TMEM87A: variants seen among roughly 807,000 people sequenced by gnomAD.
TMEM87A encodes transmembrane protein 87A.
TMEM87A carries 50 observed loss-of-function variants against 90.0 expected under a neutral mutation model. The observed-to-expected ratio is 0.56, with a 90% CI of 0.44 to 0.70. The LOEUF (loss-of-function observed/expected upper bound fraction) is 0.70, where lower values mean the gene tolerates loss of function less well. TMEM87A is among the 30% of genes least tolerant of loss of function. The pLI is 0.00. For missense variants in TMEM87A, 577 were observed against 660.5 expected (o/e 0.87, Z 1.39); for synonymous variants, 226 against 226.7 (o/e 1.00, Z 0.03).
chr15:42,239,786 A>G, intron 7 of TMEM87A, 55 bp from the exon 8 acceptor site: 1 of 1,414,578 alleles, frequency 7.1e-7, no homozygotes, highest in Non-Finnish European at 1.0e-6. Flanking sequence ...TTAAACAAAA[A>G]TATTGCCTAA....
At chr15:42,225,127 A>C (rs983452378) in intron 15 of TMEM87A, among the ~76,000 whole-genome samples, 1 of 152,192 alleles carries the variant, frequency 6.6e-6, no homozygotes, top group African/African-American at 2.4e-5. Context: ...TATAAAGTGC[A>C]TAGTTTGAAA....
chr15:42,254,964 CTTT>C lies in TMEM87A; in HGVS notation c.504+5991_504+5993del, dbSNP rs60449122. Among the ~76,000 whole-genome samples the C allele has an allele frequency of 1.3e-3, 169 of 125,388 alleles. 1 individual carries two copies. Among genetic ancestry groups the C allele is most frequent in the African/African-American group, 3.2e-3 (111 of 34,976 alleles). 82.3% of individuals were successfully genotyped at this position (125,388 alleles called of 152,430 possible). On this transcript the variant is annotated intron_variant, in intron 6 of 19. Coordinates refer to ENST00000389834, the MANE Select transcript of TMEM87A (RefSeq NM_015497.5). ...ATAGACACAGCATGTGGGAGGTCTC[CTTT>C]TTTTTTTTTTTTTTTGAGACAGAGT...
intron 8 of TMEM87A, among the ~76,000 whole-genome samples, chr15:42,239,418 T>C (rs2050832354): frequency 6.6e-6 from 1 of 152,150 alleles, no homozygotes; most frequent in South Asian, 2.1e-4. Context: ...CTAGAGAGAA[T>C]GTGAGATGAT....
At chr15:42,222,731 G>T (rs539308998) in intron 15 of TMEM87A, among the ~76,000 whole-genome samples, 1 of 151,742 alleles carries the variant, frequency 6.6e-6, no homozygotes, top group Admixed American at 6.6e-5. Context: ...GCTAATTGTT[G>T]TTATTTTTAG....
intron 1 of TMEM87A, 49 bp from the exon 2 acceptor site, chr15:42,272,172 A>C (rs4244588): frequency 1.5e-6 from 2 of 1,361,588 alleles, no homozygotes; most frequent in East Asian, 2.3e-5. Context: ...TTCAATTACC[A>C]AAGCATCATA....
At chr15:42,215,208 A>G (rs902072437) in intron 19 of TMEM87A, among the ~76,000 whole-genome samples, 5 of 152,196 alleles carry the variant, frequency 3.3e-5, no homozygotes, top group African/African-American at 1.2e-4. Flanking sequence ...TACAGTAAAA[A>G]TTCAGTATTG....
intron 2 of TMEM87A, 43 bp downstream of exon 2, chr15:42,271,998 ATTTAAAACATTACCTATAAATT>A: frequency 7.6e-7 from 1 of 1,311,076 alleles, no homozygotes; most frequent in Non-Finnish European, 1.1e-6. Flanking sequence ...AAAATAGGTA[ATTTAAAACATTACCTATAAATT>A]TTTAAAATTC....
At chr15:42,271,709 AG>A (rs1274130656) in intron 2 of TMEM87A, 1 of 155,434 alleles carries the variant, frequency 6.4e-6, no homozygotes, top group African/African-American at 2.4e-5. Flanking sequence ...AAATCACCTA[AG>A]GATGCTTTTC....
Position 42,244,104 on chromosome 15 carries a change from T to C in TMEM87A, c.568A>G (p.Ile190Val), listed in dbSNP as rs185442178. ...TTTGATGATTCCTTTGAGGATGAAA[T>C]GCCAATATGTACAATAAAAATGTAT... ...APYIFIVHIG[I>V]SSSKESSKEN... Residue 190 changes from isoleucine (I) to valine (V), a missense_variant, in exon 7 of 20, where the codon ATT becomes GTT. Physicochemically the swap from Ile to Val is conservative, Grantham distance 29. Coordinates refer to ENST00000389834, the MANE Select transcript of TMEM87A (RefSeq NM_015497.5). 7.6e-6 allele frequency: 12 copies of C among 1,580,582 alleles called. No individual in the cohort carries two copies. The Admixed American group carries it at 2.4e-4, about 31-fold the overall frequency.
intron 6 of TMEM87A, among the ~76,000 whole-genome samples, chr15:42,251,565 C>A (rs188798247): frequency 2.8e-4 from 43 of 152,324 alleles, no homozygotes; most frequent in Non-Finnish European, 5.0e-4. Flanking sequence ...CTGGTTATCA[C>A]CAGAGGAGGC....
chr15:42,222,720 G>T (rs1175325177), intron 15 of TMEM87A, among the ~76,000 whole-genome samples: 1 of 151,944 alleles, frequency 6.6e-6, no homozygotes, highest in African/African-American at 2.4e-5. Flanking sequence ...CACCACGCCT[G>T]GCTAATTGTT....
At chr15:42,224,839 A>C (rs1404862869) in intron 15 of TMEM87A, among the ~76,000 whole-genome samples, 1 of 152,212 alleles carries the variant, frequency 6.6e-6, no homozygotes, top group Non-Finnish European at 1.5e-5. Flanking sequence ...GACACATTAT[A>C]ATATGCAGTT....
At chr15:42,242,177 A>C (rs2050884319) in intron 7 of TMEM87A, among the ~76,000 whole-genome samples, 1 of 152,152 alleles carries the variant, frequency 6.6e-6, no homozygotes, top group Non-Finnish European at 1.5e-5. Context: ...ACAGTGCACG[A>C]GGCCGACTCC....
intron 2 of TMEM87A, among the ~76,000 whole-genome samples, chr15:42,270,347 G>C (rs1401311639): frequency 6.6e-6 from 1 of 152,138 alleles, no homozygotes; most frequent in Non-Finnish European, 1.5e-5. Flanking sequence ...TCCAGCCTGG[G>C]CGTCACAGCA....
intron 1 of TMEM87A, chr15:42,272,854 G>A (rs776102671): frequency 3.2e-5 from 14 of 440,860 alleles, no homozygotes; most frequent in Non-Finnish European, 6.3e-5. Flanking sequence ...TGCAGAGGAA[G>A]AAAAAGAAAG....
At chr15:42,221,265 C>CAGACAGAGAGAGAG (rs1491577357) in intron 15 of TMEM87A, among the ~76,000 whole-genome samples, 1 of 146,358 alleles carries the variant, frequency 6.8e-6, no homozygotes, top group Admixed American at 6.6e-5. Flanking sequence ...AAAGGAGAGA[C>CAGACAGAGAGAGAG]AGAGACAGAG....
Position 42,233,261 on chromosome 15 carries a change from G to C in TMEM87A, c.1014C>G (p.Ala338=). 1 of 1,613,986 alleles carries C rather than the reference G, an allele frequency of 6.2e-7. No homozygotes were observed. The highest frequency in any genetic ancestry group is 8.5e-7 in the Non-Finnish European group (1 of 1,179,982). The change falls in exon 11 of 20, where the codon GCC becomes GCG. Residue 338 remains alanine (A), a synonymous_variant. Transcript: ENST00000389834. ...CCATGCCAGAGAACAAAAGATAGAG[G>C]GCTCCTGCTACTACAACCTTATGAA... is the stretch of plus-strand genomic sequence containing the variant. The part of the protein sequence containing the change: ...VTLHKVVVAG[A]LYLLFSGMEG...
chr15:42,218,403 T>C (rs1381544425), intron 17 of TMEM87A, 25 bp from the exon 18 acceptor site: 17 of 1,610,964 alleles, frequency 1.1e-5, no homozygotes, highest in Non-Finnish European at 1.4e-5. Context: ...ATACCACTCA[T>C]TACTAAAATG....
chr15:42,227,742 G>T lies in TMEM87A; in HGVS notation c.1268C>A (p.Thr423Asn). 3 of 1,613,894 alleles carry T rather than the reference G, an allele frequency of 1.9e-6. No homozygotes were observed. Among genetic ancestry groups the T allele is most frequent in the Non-Finnish European group, 2.5e-6 (3 of 1,179,924 alleles). ...ACATGTCACTATTCTGAACTTCATG[G>T]TTGTCCAGATGATAAACACAATGGA... ...AASIVFIIWTTMKFRIVTCQS... is the reference protein window; with the variant it reads ...AASIVFIIWTNMKFRIVTCQS... The change falls in exon 14 of 20, where the codon ACC (threonine) becomes AAC (asparagine). Residue 423 changes from threonine (T) to asparagine (N), a missense_variant. Physicochemically the swap from Thr to Asn is moderately conservative, Grantham distance 65. Coordinates refer to ENST00000389834, the MANE Select transcript of TMEM87A (RefSeq NM_015497.5).
Sources: gnomAD v4.1 joint callset for allele counts (sites outside exome capture counted in the v4.1 genomes callset) on GRCh38, gnomAD v4.1.1 for gene constraint, MANE v1.5 for transcripts, NCBI Gene and HGNC (gene_info 2026-07-23, HGNC 2026-07-21) for gene names.